The following RBFOX1 variants were observed in gnomAD, a reference collection of about 807,000 sequenced individuals.
RBFOX1 encodes the protein RNA binding fox-1 homolog 1.
A neutral mutation model predicts 57.7 loss-of-function variants in RBFOX1; 8 were observed. The ratio of observed to expected loss-of-function variants is 0.14; its 90% CI spans 0.08 to 0.25. The LOEUF is 0.25. Ranked by LOEUF, RBFOX1 falls within the 10% of genes least tolerant of loss-of-function variation. The pLI, the probability that RBFOX1 is intolerant of heterozygous loss-of-function variation, is 1.00. For synonymous variants in RBFOX1, 326 were observed against 222.4 expected (o/e 1.47, Z -4.15); for missense variants, 611 against 548.5 (o/e 1.11, Z -1.14).
At chr16:6,403,929 A>C (rs977723417) in intron 2 of RBFOX1, among the ~76,000 whole-genome samples, 4 of 152,294 alleles carry the variant, frequency 2.6e-5, no homozygotes, top group Admixed American at 2.6e-4. Flanking sequence ...GAAGAGACAC[A>C]GTAGGAAGGT....
intron 1 of RBFOX1, among the ~76,000 whole-genome samples, chr16:5,444,273 T>G (rs950197852): frequency 1.3e-5 from 2 of 152,240 alleles, no homozygotes; most frequent in East Asian, 1.9e-4. Flanking sequence ...TGCTACCTGT[T>G]GCTTCTGATG....
intron 4 of RBFOX1, among the ~76,000 whole-genome samples, chr16:7,094,252 T>G (rs2151184906): frequency 6.6e-6 from 1 of 152,148 alleles, no homozygotes; most frequent in Non-Finnish European, 1.5e-5. Context: ...AAGAACAAAT[T>G]GAAAAATTGA....
intron 1 of RBFOX1, among the ~76,000 whole-genome samples, chr16:6,149,018 C>T (rs2096779079): frequency 6.6e-6 from 1 of 152,148 alleles, no homozygotes; most frequent in African/African-American, 2.4e-5. Context: ...CTCATCGAGG[C>T]CCCAAATGTA....
At chr16:7,391,378 T>A (rs150358437) in intron 4 of RBFOX1, among the ~76,000 whole-genome samples, 6 of 152,270 alleles carry the variant, frequency 3.9e-5, no homozygotes, top group African/African-American at 1.4e-4. Context: ...GGATACCAAT[T>A]ATAGGGGTAG....
chr16:7,233,518 G>A (rs2093617500), intron 4 of RBFOX1, among the ~76,000 whole-genome samples: 1 of 152,150 alleles, frequency 6.6e-6, no homozygotes, highest in Non-Finnish European at 1.5e-5. Flanking sequence ...TGAGATCAAT[G>A]TGTGGAAATT....
intron 3 of RBFOX1, 63 bp from the exon 4 acceptor site, chr16:7,051,994 T>G (rs1219400340): frequency 6.3e-7 from 1 of 1,579,984 alleles, no homozygotes; most frequent in Admixed American, 1.8e-5. Context: ...CTTTCTGTTT[T>G]CTTTCATGTT....
chr16:5,923,016 C>T (rs943557737), intron 4 of RBFOX1, among the ~76,000 whole-genome samples: 2 of 152,146 alleles, frequency 1.3e-5, no homozygotes, highest in Non-Finnish European at 2.9e-5. Flanking sequence ...GTCTCAACCC[C>T]CATGCCTCTT....
At chr16:6,450,801 G>GTGTATATATA (rs2094585388) in intron 2 of RBFOX1, among the ~76,000 whole-genome samples, 1 of 16,462 alleles carries the variant, frequency 6.1e-5, no homozygotes, top group Non-Finnish European at 1.2e-4. Flanking sequence ...ATATATATAT[G>GTGTATATATA]TATATATATA....
intron 2 of RBFOX1, among the ~76,000 whole-genome samples, chr16:5,561,634 C>G (rs1239150317): frequency 1.3e-5 from 2 of 152,044 alleles, no homozygotes; most frequent in Non-Finnish European, 2.9e-5. Context: ...AATACTAGAC[C>G]TTTATATGAT....
chr16:7,019,654 C>T (rs1292904267), intron 3 of RBFOX1, among the ~76,000 whole-genome samples: 3 of 152,050 alleles, frequency 2.0e-5, no homozygotes, highest in Admixed American at 2.0e-4. Context: ...TAGGCTAGGC[C>T]ATTACTGGGA....
intron 1 of RBFOX1, among the ~76,000 whole-genome samples, chr16:6,020,447 G>A (rs1352449105): frequency 1.3e-5 from 2 of 152,132 alleles, no homozygotes; most frequent in African/African-American, 4.8e-5. Context: ...AGGGTGTTTA[G>A]GTGCCCCGAA....
intron 2 of RBFOX1, among the ~76,000 whole-genome samples, chr16:6,647,206 C>A (rs1368225607): frequency 2.6e-5 from 4 of 152,112 alleles, no homozygotes; most frequent in African/African-American, 9.7e-5. Context: ...TGAGTGAGCT[C>A]TCTGGTGTCT....
intron 3 of RBFOX1, among the ~76,000 whole-genome samples, chr16:5,762,796 G>A (rs1214730940): frequency 1.3e-5 from 2 of 152,124 alleles, no homozygotes; most frequent in African/African-American, 4.8e-5. Flanking sequence ...ATTTACATAG[G>A]TCTGGGAAGA....
chr16:5,803,080 C>G (rs1436689457), intron 3 of RBFOX1, among the ~76,000 whole-genome samples: 1 of 151,950 alleles, frequency 6.6e-6, no homozygotes, highest in African/African-American at 2.4e-5. Flanking sequence ...TCTTTAGCAC[C>G]CAGACAATGG....
chr16:6,666,613 C>G (rs1246378438), intron 3 of RBFOX1, among the ~76,000 whole-genome samples: 2 of 151,872 alleles, frequency 1.3e-5, no homozygotes, highest in Admixed American at 6.6e-5. Flanking sequence ...GGATTCAAAC[C>G]CAGGAAGTCT....
intron 2 of RBFOX1, among the ~76,000 whole-genome samples, chr16:5,543,179 C>T (rs756720777): frequency 6.6e-5 from 10 of 152,056 alleles, no homozygotes; most frequent in African/African-American, 1.9e-4. Context: ...ATTAGAATGC[C>T]ATAATATCAA....
chr16:7,527,026 C>G (rs184042858), intron 5 of RBFOX1, among the ~76,000 whole-genome samples: 2 of 152,182 alleles, frequency 1.3e-5, no homozygotes, highest in Non-Finnish European at 2.9e-5. Flanking sequence ...CAGACCCAAG[C>G]CTGTGCAACA....
intron 2 of RBFOX1, among the ~76,000 whole-genome samples, chr16:6,482,601 C>T (rs1382361462): frequency 2.0e-5 from 3 of 152,184 alleles, no homozygotes; most frequent in African/African-American, 7.2e-5. Flanking sequence ...TTGTTTTTCT[C>T]CTAAAAGCAG....
chr16:7,548,571 A>C (rs542347590), intron 5 of RBFOX1, among the ~76,000 whole-genome samples: 22 of 152,210 alleles, frequency 1.4e-4, no homozygotes, highest in African/African-American at 5.3e-4. Flanking sequence ...CTGTGAACCA[A>C]TGCAAGGGGC....
Sources: gnomAD v4.1 joint callset for allele counts (sites outside exome capture counted in the v4.1 genomes callset) on GRCh38, gnomAD v4.1.1 for gene constraint, MANE v1.5 for transcripts, NCBI Gene and HGNC (gene_info 2026-07-23, HGNC 2026-07-21) for gene names.